DNAJC1: variants seen among roughly 807,000 people sequenced by gnomAD.
DNAJC1 encodes the protein DnaJ heat shock protein family (Hsp40) member C1, also known as dnaJ homolog subfamily C member 1.
Under a neutral mutation model 76.6 loss-of-function variants are expected in DNAJC1, and 58 were observed. The ratio of observed to expected loss-of-function variants is 0.76; its 90% CI spans 0.61 to 0.94. The LOEUF is 0.94. Among genes scored for constraint, DNAJC1 ranks in the 40% least tolerant of loss-of-function variants. The pLI, the probability that DNAJC1 is intolerant of heterozygous loss-of-function variation, is 0.00. For synonymous variants in DNAJC1, 258 were observed against 267.9 expected (o/e 0.96, Z 0.36); for missense variants, 689 against 677.3 (o/e 1.02, Z -0.19).
intron 1 of DNAJC1, among the ~76,000 whole-genome samples, chr10:21,947,696 T>C (rs1342696999): frequency 6.6e-6 from 1 of 152,050 alleles, no homozygotes; most frequent in Non-Finnish European, 1.5e-5. Context: ...TGTTCAAGAG[T>C]CTGTTATAAT....
chr10:21,946,171 G>A (rs1837502509), intron 1 of DNAJC1, among the ~76,000 whole-genome samples: 3 of 146,630 alleles, frequency 2.0e-5, no homozygotes, highest in African/African-American at 7.6e-5. Flanking sequence ...CTCCTGAGTA[G>A]CTGGGACTAC....
intron 1 of DNAJC1, among the ~76,000 whole-genome samples, chr10:22,002,911 C>G (rs1838545204): frequency 6.6e-6 from 1 of 151,942 alleles, no homozygotes. Flanking sequence ...TCCAGCACAG[C>G]TGGAGGGGGA....
chr10:21,787,773 G>A (rs532836877), intron 9 of DNAJC1, among the ~76,000 whole-genome samples: 1 of 152,174 alleles, frequency 6.6e-6, no homozygotes, highest in African/African-American at 2.4e-5. Flanking sequence ...ACACCTACAG[G>A]CCTCACCACT....
At chr10:21,926,622 T>C (rs1564829409) in intron 3 of DNAJC1, among the ~76,000 whole-genome samples, 1 of 152,206 alleles carries the variant, frequency 6.6e-6, no homozygotes, top group Non-Finnish European at 1.5e-5. Context: ...GTCTGTCTCC[T>C]GTATGTTTAA....
rs568740091 is a variant in DNAJC1, at chr10:21,893,681, G to A, written c.820+10841C>T. On this transcript the variant is annotated intron_variant, in intron 7 of 11. Transcript: ENST00000376980. ...TATGAGACATAGCCAAAGCAGTGCT[G>A]AGAGGGAAATGTATAGCATTAAATG... Among the ~76,000 whole-genome samples, 58 of 151,886 alleles carry A rather than the reference G, an allele frequency of 3.8e-4. 1 individual carries two copies. The highest frequency in any genetic ancestry group is 1.4e-3 in the African/African-American group (56 of 41,436).
intron 1 of DNAJC1, among the ~76,000 whole-genome samples, chr10:21,973,298 T>C (rs1426178531): frequency 1.3e-5 from 2 of 152,190 alleles, no homozygotes; most frequent in Non-Finnish European, 2.9e-5. Flanking sequence ...AGTTATTAGG[T>C]TAAGTTTTAA....
intron 8 of DNAJC1, among the ~76,000 whole-genome samples, chr10:21,881,466 G>C (rs1836276391): frequency 6.6e-6 from 1 of 151,956 alleles, no homozygotes; most frequent in Admixed American, 6.6e-5. Context: ...CCTTCTACTT[G>C]AACACTTGGA....
At chr10:21,811,049 T>C (rs1834956775) in intron 8 of DNAJC1, among the ~76,000 whole-genome samples, 1 of 152,216 alleles carries the variant, frequency 6.6e-6, no homozygotes, top group African/African-American at 2.4e-5. Flanking sequence ...AGATTGAAAC[T>C]GCACCCTACT....
At chr10:21,874,216 GC>G (rs1295990936) in intron 8 of DNAJC1, among the ~76,000 whole-genome samples, 2 of 152,176 alleles carry the variant, frequency 1.3e-5, no homozygotes, top group African/African-American at 2.4e-5. Context: ...AGGAGTTCAA[GC>G]CCAGCCTGGG....
chr10:21,982,790 T>C (rs1227262698), intron 1 of DNAJC1, among the ~76,000 whole-genome samples: 1 of 151,632 alleles, frequency 6.6e-6, no homozygotes, highest in African/African-American at 2.4e-5. Context: ...ACATTGCTGG[T>C]AGGAATGTAA....
chr10:21,902,922 T>A (rs1442904373), intron 7 of DNAJC1, among the ~76,000 whole-genome samples: 1 of 152,118 alleles, frequency 6.6e-6, no homozygotes, highest in African/African-American at 2.4e-5. Flanking sequence ...ACTAATTTTA[T>A]ATTTTTCTTT....
intron 1 of DNAJC1, among the ~76,000 whole-genome samples, chr10:22,000,462 T>C (rs538231166): frequency 2.0e-5 from 3 of 152,356 alleles, no homozygotes; most frequent in South Asian, 4.1e-4. Flanking sequence ...TTGTCTCCTA[T>C]TGCTGTTCTC....
intron 1 of DNAJC1, among the ~76,000 whole-genome samples, chr10:21,979,158 A>G (rs1838111414): frequency 6.6e-6 from 1 of 152,008 alleles, no homozygotes; most frequent in Non-Finnish European, 1.5e-5. Flanking sequence ...GATCTTTTAA[A>G]AAAAACCAGC....
At chr10:21,924,634 T>C (rs937507062) in intron 3 of DNAJC1, among the ~76,000 whole-genome samples, 1 of 152,188 alleles carries the variant, frequency 6.6e-6, no homozygotes, top group Non-Finnish European at 1.5e-5. Context: ...CTAAAGAGTT[T>C]AGAGAAGGCT....
At chr10:21,808,939 C>G (rs145215510) in intron 8 of DNAJC1, among the ~76,000 whole-genome samples, 2 of 152,134 alleles carry the variant, frequency 1.3e-5, no homozygotes, top group Admixed American at 6.5e-5. Flanking sequence ...AATCTCCATA[C>G]TGAATACAAA....
intron 9 of DNAJC1, among the ~76,000 whole-genome samples, chr10:21,779,825 G>A (rs865962109): frequency 2.6e-5 from 4 of 152,122 alleles, no homozygotes; most frequent in Admixed American, 6.6e-5. Context: ...CGAACCCATC[G>A]CAAAGAAGCT....
chr10:21,844,054 T>A (rs1424468316), intron 8 of DNAJC1, among the ~76,000 whole-genome samples: 2 of 152,344 alleles, frequency 1.3e-5, no homozygotes, highest in East Asian at 3.9e-4. Flanking sequence ...CTCTCTTGCC[T>A]GCTGCCATGT....
intron 8 of DNAJC1, among the ~76,000 whole-genome samples, chr10:21,880,414 A>T (rs1400445836): frequency 2.0e-5 from 3 of 152,156 alleles, no homozygotes; most frequent in Non-Finnish European, 4.4e-5. Context: ...CCATCAGAGG[A>T]ATCACTCTCT....
chr10:21,774,140 CAA>C (rs1285771891), intron 9 of DNAJC1, among the ~76,000 whole-genome samples: 4 of 55,446 alleles, frequency 7.2e-5, no homozygotes, highest in African/African-American at 1.4e-4. Context: ...GACTCCGTCT[CAA>C]AAAAAAAAAA....
Sources: gnomAD v4.1 joint callset for allele counts (sites outside exome capture counted in the v4.1 genomes callset) on GRCh38, gnomAD v4.1.1 for gene constraint, MANE v1.5 for transcripts, NCBI Gene and HGNC (gene_info 2026-07-23, HGNC 2026-07-21) for gene names.